DIS3L2: variants seen among roughly 807,000 people sequenced by gnomAD.
DIS3L2 encodes the protein DIS3 like 3'-5' exoribonuclease 2, also known as DIS3-like exonuclease 2.
In DIS3L2, 34 loss-of-function variants were observed where a neutral mutation model predicts 97.5. The ratio of observed to expected loss-of-function variants is 0.35; its 90% CI spans 0.27 to 0.46. The LOEUF is 0.46. Among genes scored for constraint, DIS3L2 ranks in the 20% least tolerant of loss-of-function variants. The probability of loss-of-function intolerance (pLI) is 1.00; values close to 1 mark genes in which losing one functional copy is unlikely to be tolerated. For synonymous variants in DIS3L2, 435 were observed against 445.2 expected (o/e 0.98, Z 0.29); for missense variants, 1,038 against 1,146.0 (o/e 0.91, Z 1.36).
intron 18 of DIS3L2, 32 bp from the exon 19 acceptor site, chr2:232,334,599 G>A (rs1316116036): frequency 1.0e-5 from 16 of 1,601,306 alleles, no homozygotes; most frequent in Non-Finnish European, 1.4e-5. Flanking sequence ...GCAGTGCCAG[G>A]AGGTGCCATG....
intron 10 of DIS3L2, among the ~76,000 whole-genome samples, chr2:232,221,669 C>T (rs539971755): frequency 6.6e-6 from 1 of 151,996 alleles, no homozygotes; most frequent in East Asian, 2.0e-4. Flanking sequence ...CTGGGCATGG[C>T]GGGCACCTGT....
chr2:232,225,549 A>G (rs1185249098), intron 10 of DIS3L2, among the ~76,000 whole-genome samples: 4 of 152,168 alleles, frequency 2.6e-5, no homozygotes, highest in Non-Finnish European at 5.9e-5. Flanking sequence ...GAGGTCAGAA[A>G]AGTAATTATC....
intron 14 of DIS3L2, among the ~76,000 whole-genome samples, chr2:232,315,818 G>T (rs1028271221): frequency 5.3e-5 from 8 of 152,152 alleles, no homozygotes; most frequent in Non-Finnish European, 8.8e-5. Context: ...GCCAACTTCC[G>T]CAGCTGCTCT....
intron 5 of DIS3L2, among the ~76,000 whole-genome samples, chr2:232,036,806 T>C (rs1694962049): frequency 6.6e-6 from 1 of 152,222 alleles, no homozygotes; most frequent in Admixed American, 6.5e-5. Flanking sequence ...TGGAGTTTGC[T>C]GGAGGTCCAC....
Position 232,292,500 on chromosome 2 carries a change from GTC to G in DIS3L2, c.1660-7538_1660-7537del, listed in dbSNP as rs1291432739. Among the ~76,000 whole-genome samples, 4 of 152,180 alleles carry G rather than the reference GTC, an allele frequency of 2.6e-5. No homozygotes were observed. Among genetic ancestry groups the G allele is most frequent in the Non-Finnish European group, 5.9e-5 (4 of 68,036 alleles). On this transcript the variant is annotated intron_variant, in intron 13 of 20. Coordinates refer to ENST00000325385, the MANE Select transcript of DIS3L2 (RefSeq NM_152383.5). This position sits in a 1 kb window ranked among gnomAD's most constrained non-coding sequence, Gnocchi z 4.4. ...GGCCTGCATCCCATGTTCCCACAGA[GTC>G]TGGGGAAGATTCTCCTCTCCCAAGG...
intron 9 of DIS3L2, among the ~76,000 whole-genome samples, chr2:232,208,539 G>A (rs544942113): frequency 2.6e-5 from 4 of 152,246 alleles, no homozygotes; most frequent in South Asian, 2.1e-4. Flanking sequence ...TTGAACTCCC[G>A]ACCTCAGGTG....
intron 1 of DIS3L2, among the ~76,000 whole-genome samples, chr2:231,999,060 C>T (rs1008840259): frequency 2.6e-5 from 4 of 152,188 alleles, no homozygotes; most frequent in Non-Finnish European, 5.9e-5. Flanking sequence ...TAAATATTTT[C>T]GATTTTGTAG....
intron 10 of DIS3L2, among the ~76,000 whole-genome samples, chr2:232,212,480 G>A (rs889437504): frequency 3.3e-5 from 5 of 152,166 alleles, no homozygotes; most frequent in Admixed American, 6.6e-5. Flanking sequence ...ATGTCCTGCC[G>A]TACTCACTGC....
At chr2:231,990,864 T>A (rs1237971062) in intron 1 of DIS3L2, among the ~76,000 whole-genome samples, 1 of 152,208 alleles carries the variant, frequency 6.6e-6, no homozygotes, top group Non-Finnish European at 1.5e-5. Context: ...TATACTAAAC[T>A]CCAGCATTCA....
At position 232,015,554 on chromosome 2, in the gene DIS3L2, G is replaced by T. The variant is rs772722191; in HGVS notation, c.93G>T (p.Ser31=). The change falls in exon 3 of 21, where the codon TCG becomes TCT. Residue 31 remains serine, a synonymous_variant. Transcript: ENST00000325385. Reference sequence around the variant, plus strand: ...CTGGTCCACATGACATTGGTGCTTCGCCAGGTGACAAAAAGTCAAAGAACA... The same window carrying T: ...CTGGTCCACATGACATTGGTGCTTCTCCAGGTGACAAAAAGTCAAAGAACA... ...AVAGPHDIGA[S]PGDKKSKNRS... 3.7e-6 allele frequency: 6 copies of T among 1,613,928 alleles called. No homozygotes were observed. Among genetic ancestry groups the T allele is most frequent in the Non-Finnish European group, 5.1e-6 (6 of 1,179,922 alleles).
chr2:232,158,261 C>T (rs1690553202), intron 8 of DIS3L2, among the ~76,000 whole-genome samples: 1 of 151,944 alleles, frequency 6.6e-6, no homozygotes, highest in Non-Finnish European at 1.5e-5. Flanking sequence ...TCAGTTGGAA[C>T]TAGGCATTCA....
rs375649949 is a variant in DIS3L2, at chr2:232,136,546, C to A, written c.777C>A (p.Ser259Arg). The part of the protein sequence containing the change: ...GFLKLLADKN[S>R]ELFRKYALFS... ...TCAAACTCTTGGCTGATAAGAACAG[C>A]GAACTGTTTAGGAAATACGCCCTGT... The change falls in exon 8 of 21, where the codon AGC becomes AGA. Residue 259 changes from serine (S) to arginine (R), a missense_variant. Transcript: ENST00000325385. 12 of 1,614,034 alleles carry A rather than the reference C, an allele frequency of 7.4e-6. No individual in the cohort carries two copies. The Admixed American group carries it at 1.8e-4, about 25-fold the overall frequency.
rs766499656 is a variant in DIS3L2, at chr2:232,300,134, G to T, written c.1739+15G>T. ...GAGAGCAACAAGTAAGCCACTCAGT[G>T]GGAAAGAGTGTCACTTCACATGTGT... On this transcript the variant is annotated intron_variant, in intron 14 of 20. Coordinates refer to ENST00000325385, the MANE Select transcript of DIS3L2 (RefSeq NM_152383.5). The T allele has an allele frequency of 6.2e-6, 10 of 1,611,810 alleles. No homozygotes were observed. The highest frequency in any genetic ancestry group is 7.6e-6 in the Non-Finnish European group (9 of 1,178,130).
At chr2:232,098,603 C>T (rs956200650) in intron 6 of DIS3L2, among the ~76,000 whole-genome samples, 1 of 152,190 alleles carries the variant, frequency 6.6e-6, no homozygotes, top group African/African-American at 2.4e-5. Flanking sequence ...ATCCACCTGC[C>T]TTGGCCTCCC....
rs67846645 is a variant in DIS3L2 at position 232,213,661 on chromosome 2, G to GTTTTTT, written c.1204+3275_1204+3280dup. Among the ~76,000 whole-genome samples the GTTTTTT allele has an allele frequency of 1.3e-3, 102 of 80,696 alleles. 1 individual carries two copies. The highest frequency in any genetic ancestry group is 0.012 in the Middle Eastern group (1 of 82). 52.9% of individuals were successfully genotyped at this position (80,696 alleles called of 152,430 possible). ...TCTCGGTCTATTTATATCATCTGTA[G>GTTTTTT]TTTTTTTTTTTTTTTTTTTTTTTTA... On this transcript the variant is annotated intron_variant, in intron 10 of 20. Coordinates refer to ENST00000325385, the MANE Select transcript of DIS3L2 (RefSeq NM_152383.5).
At chr2:231,992,290 G>A (rs1216914885) in intron 1 of DIS3L2, among the ~76,000 whole-genome samples, 1 of 152,072 alleles carries the variant, frequency 6.6e-6, no homozygotes, top group South Asian at 2.1e-4. Flanking sequence ...AGTAGAGGGT[G>A]AGTGAACTGT....
At chr2:232,306,848 G>T (rs1239730453) in intron 14 of DIS3L2, among the ~76,000 whole-genome samples, 1 of 152,212 alleles carries the variant, frequency 6.6e-6, no homozygotes, top group Non-Finnish European at 1.5e-5. Flanking sequence ...CTGTCTTCCT[G>T]CCCTGGCACC....
At chr2:232,209,234 G>A (rs776021834) in intron 9 of DIS3L2, among the ~76,000 whole-genome samples, 1 of 152,110 alleles carries the variant, frequency 6.6e-6, no homozygotes, top group Non-Finnish European at 1.5e-5. Context: ...GGTCCCAAGA[G>A]CTTGTGGCAG....
intron 8 of DIS3L2, among the ~76,000 whole-genome samples, chr2:232,155,345 C>T (rs529642773): frequency 2.6e-5 from 4 of 152,286 alleles, no homozygotes; most frequent in African/African-American, 9.6e-5. Context: ...ACCCTCCCAC[C>T]ACTCCATTCA....
Sources: allele counts gnomAD v4.1 joint callset (sites outside exome capture counted in the v4.1 genomes callset), GRCh38; gene constraint gnomAD v4.1.1; non-coding constraint Gnocchi (gnomAD v3.1); transcripts MANE v1.5; gene names NCBI Gene and HGNC (gene_info 2026-07-23, HGNC 2026-07-21).